OPCML: variants seen among roughly 807,000 people sequenced by gnomAD.
OPCML encodes opioid binding protein/cell adhesion molecule like.
OPCML carries 13 observed loss-of-function variants against 37.8 expected under a neutral mutation model. The ratio of observed to expected loss-of-function variants is 0.34; its 90% confidence interval spans 0.22 to 0.55. The LOEUF is 0.55. Ranked by LOEUF, OPCML falls within the 20% of genes least tolerant of loss-of-function variation. The pLI is 0.91. For missense variants in OPCML, 341 were observed against 435.6 expected, an observed-to-expected ratio of 0.78 and a Z score of 1.93; for synonymous variants, 176 against 168.8, an observed-to-expected ratio of 1.04 and a Z score of -0.33.
Position 132,762,991 on chromosome 11 carries a change from G to A in OPCML, c.147-105672C>T, listed in dbSNP as rs986702732. 3.4e-4 allele frequency among the ~76,000 whole-genome samples: 52 copies of A among 152,150 alleles called. 1 individual carries two copies. The highest frequency in any genetic ancestry group is 7.3e-5 in the Non-Finnish European group (5 of 68,030). Reference sequence around the variant, plus strand: ...GGTCTGTGGGTTGCGAAGAACATGGGAAAAGCGTAGTATCTGGGCCAGATA... The same window carrying A: ...GGTCTGTGGGTTGCGAAGAACATGGAAAAAGCGTAGTATCTGGGCCAGATA... On this transcript the variant is annotated intron_variant, in intron 2 of 7. Coordinates refer to ENST00000524381, the MANE Select transcript of OPCML (RefSeq NM_001012393.5).
chr11:132,447,523 T>C (rs1350646457), intron 4 of OPCML, among the ~76,000 whole-genome samples: 2 of 152,098 alleles, frequency 1.3e-5, no homozygotes, highest in East Asian at 3.9e-4. Flanking sequence ...TTGCCCAGGC[T>C]GGTCTCGAAC....
In OPCML at chr11:133,141,101, A is replaced by AAGAAGAAGAAGAAGAAGAAGAAGC. The variant is rs1565469400; in HGVS notation, c.62-198092_62-198091insGCTTCTTCTTCTTCTTCTTCTTCT. Among the ~76,000 whole-genome samples, 4 of 139,696 alleles carry AAGAAGAAGAAGAAGAAGAAGAAGC rather than the reference A, an allele frequency of 2.9e-5. 1 individual carries two copies. The highest frequency in any genetic ancestry group is 1.0e-4 in the African/African-American group (4 of 38,878). 91.6% of individuals were successfully genotyped at this position (139,696 alleles called of 152,430 possible). ...GAAGAAGAAGAAGAAGAAGGAGAAG[A>AAGAAGAAGAAGAAGAAGAAGAAGC]AGAAGCAGCTGAATGCCAAAGTGTG... On this transcript the variant is annotated intron_variant, in intron 1 of 7. Coordinates refer to ENST00000524381, the MANE Select transcript of OPCML (RefSeq NM_001012393.5).
At chr11:133,007,296 A>G (rs1947131587) in intron 1 of OPCML, 2 of 985,348 alleles carry the variant, frequency 2.0e-6, no homozygotes, top group Admixed American at 6.1e-5. Flanking sequence ...GTTGCAGGAT[A>G]CAGCTCCATC....
intron 1 of OPCML, among the ~76,000 whole-genome samples, chr11:133,168,996 G>A (rs1257292941): frequency 6.6e-6 from 1 of 152,178 alleles, no homozygotes; most frequent in South Asian, 2.1e-4. Context: ...TGGGTGTGGT[G>A]GTGCATACCT....
intron 1 of OPCML, among the ~76,000 whole-genome samples, chr11:133,325,751 T>A (rs1943435057): frequency 6.6e-6 from 1 of 150,696 alleles, no homozygotes; most frequent in South Asian, 2.1e-4. Flanking sequence ...TTCAAAGTGC[T>A]CATATGGGAG....
chr11:133,117,204 A>G (rs1249164858), intron 1 of OPCML, among the ~76,000 whole-genome samples: 1 of 152,118 alleles, frequency 6.6e-6, no homozygotes, highest in Non-Finnish European at 1.5e-5. Context: ...TGGTTTTGTG[A>G]GCACTTCTTT....
chr11:133,023,116 C>G (rs1185964021), intron 1 of OPCML, among the ~76,000 whole-genome samples: 1 of 152,330 alleles, frequency 6.6e-6, no homozygotes. Flanking sequence ...CTATTGCAAC[C>G]CCGACCTGGT....
chr11:133,169,162 T>C (rs2137237243), intron 1 of OPCML, among the ~76,000 whole-genome samples: 1 of 152,284 alleles, frequency 6.6e-6, no homozygotes, highest in South Asian at 2.1e-4. Context: ...ATTTAAAAAG[T>C]AACTATAGTT....
chr11:132,551,432 TC>T (rs763020556), intron 3 of OPCML, among the ~76,000 whole-genome samples: 5 of 152,160 alleles, frequency 3.3e-5, no homozygotes, highest in Non-Finnish European at 7.4e-5. Flanking sequence ...CCAGGGCAAA[TC>T]CCTTTCTTGC....
At chr11:133,419,670 T>C (rs926891968) in intron 1 of OPCML, among the ~76,000 whole-genome samples, 4 of 152,232 alleles carry the variant, frequency 2.6e-5, no homozygotes, top group African/African-American at 4.8e-5. Context: ...ATTTACACCA[T>C]GAAAATCAGC....
At chr11:133,013,964 A>G (rs762802444) in intron 1 of OPCML, among the ~76,000 whole-genome samples, 6 of 152,334 alleles carry the variant, frequency 3.9e-5, no homozygotes, top group African/African-American at 1.4e-4. Context: ...AAAGTAGGAC[A>G]TAGATTTACA....
chr11:132,549,013 C>T (rs994590423), intron 3 of OPCML, among the ~76,000 whole-genome samples: 7 of 152,084 alleles, frequency 4.6e-5, no homozygotes, highest in African/African-American at 1.7e-4. Context: ...TGGACATGGG[C>T]TGGGTAAAAT....
intron 1 of OPCML, among the ~76,000 whole-genome samples, chr11:133,382,065 A>G (rs1368736105): frequency 6.6e-6 from 1 of 152,134 alleles, no homozygotes; most frequent in East Asian, 1.9e-4. Context: ...TCTCATCAAT[A>G]TGCCTTTTCT....
At chr11:132,657,597 C>T (rs1234459174) in intron 2 of OPCML, among the ~76,000 whole-genome samples, 2 of 152,014 alleles carry the variant, frequency 1.3e-5, no homozygotes, top group Non-Finnish European at 2.9e-5. Flanking sequence ...ATTTTTTTCC[C>T]CATAGGCTTA....
At chr11:132,625,270 A>G (rs767532080) in intron 3 of OPCML, among the ~76,000 whole-genome samples, 12 of 152,174 alleles carry the variant, frequency 7.9e-5, no homozygotes, top group Non-Finnish European at 1.2e-4. Context: ...AGGTTAAGTT[A>G]CATGAACAGG....
At chr11:132,527,570 G>C (rs2096311877) in intron 4 of OPCML, among the ~76,000 whole-genome samples, 1 of 151,706 alleles carries the variant, frequency 6.6e-6, no homozygotes, top group Non-Finnish European at 1.5e-5. Context: ...TTGAAGTGGA[G>C]TGTTAGAATT....
chr11:133,048,020 C>T (rs1252876673), intron 1 of OPCML, among the ~76,000 whole-genome samples: 2 of 152,068 alleles, frequency 1.3e-5, no homozygotes, highest in African/African-American at 4.8e-5. Flanking sequence ...GGCCACAGTG[C>T]CCACTGCCTT....
intron 1 of OPCML, among the ~76,000 whole-genome samples, chr11:133,082,943 G>T (rs562152560): frequency 8.6e-5 from 13 of 150,580 alleles, no homozygotes; most frequent in African/African-American, 3.2e-4. Flanking sequence ...CGGACGTCGC[G>T]CCAGTGCCTC....
intron 1 of OPCML, among the ~76,000 whole-genome samples, chr11:133,054,003 T>C (rs1948177591): frequency 6.6e-6 from 1 of 152,220 alleles, no homozygotes; most frequent in Non-Finnish European, 1.5e-5. Context: ...GTAAACACCA[T>C]TGCCATTCTT....
Sources: allele counts gnomAD v4.1 joint callset (sites outside exome capture counted in the v4.1 genomes callset), GRCh38; gene constraint gnomAD v4.1.1; transcripts MANE v1.5; gene names NCBI Gene and HGNC (gene_info 2026-07-23, HGNC 2026-07-21).